The following GRAMD2B variants were observed in gnomAD, a reference collection of about 807,000 sequenced individuals.
GRAMD2B encodes the protein GRAM domain-containing protein 2B.
A neutral mutation model predicts 59.2 loss-of-function variants in GRAMD2B; 41 were observed. The observed-to-expected ratio is 0.69, with a 90% confidence interval of 0.54 to 0.90. The LOEUF is 0.90. Ranked by LOEUF, GRAMD2B falls within the 40% of genes least tolerant of loss-of-function variation. The probability of loss-of-function intolerance (pLI) is 0.00; values close to 1 mark genes in which losing one functional copy is unlikely to be tolerated. For missense variants in GRAMD2B, 424 were observed against 500.5 expected, an observed-to-expected ratio of 0.85 and a Z score of 1.46; for synonymous variants, 161 against 182.7, an observed-to-expected ratio of 0.88 and a Z score of 0.96.
At chr5:126,393,415 T>G (rs2149724802) in intron 1 of GRAMD2B, among the ~76,000 whole-genome samples, 1 of 152,316 alleles carries the variant, frequency 6.6e-6, no homozygotes, top group East Asian at 1.9e-4. Context: ...TCAGAAAATA[T>G]CAAAGTTCAT....
intron 1 of GRAMD2B, among the ~76,000 whole-genome samples, chr5:126,432,473 G>A (rs898230843): frequency 6.6e-6 from 1 of 152,168 alleles, no homozygotes; most frequent in African/African-American, 2.4e-5. Context: ...AGTGTGTATT[G>A]CTGTGAAATG....
chr5:126,382,373 C>G (rs978756213), intron 1 of GRAMD2B, among the ~76,000 whole-genome samples: 1 of 152,082 alleles, frequency 6.6e-6, no homozygotes, highest in Non-Finnish European at 1.5e-5. Context: ...TTCCTGGAGG[C>G]TTTTTTCACT....
chr5:126,365,065 A>C (rs1261196506), intron 1 of GRAMD2B, among the ~76,000 whole-genome samples: 1 of 152,238 alleles, frequency 6.6e-6, no homozygotes, highest in African/African-American at 2.4e-5. Context: ...TTTGATGATG[A>C]TAAAATGTTC....
intron 1 of GRAMD2B, among the ~76,000 whole-genome samples, chr5:126,401,765 G>A (rs1191538744): frequency 6.6e-6 from 1 of 151,978 alleles, no homozygotes; most frequent in Admixed American, 6.6e-5. Flanking sequence ...CTACCATATA[G>A]AAAAATGATA....
upstream of GRAMD2B, among the ~76,000 whole-genome samples, chr5:126,367,818 C>G (rs1754532912): frequency 1.3e-5 from 2 of 152,208 alleles, no homozygotes; most frequent in Non-Finnish European, 2.9e-5. Flanking sequence ...GTGGCGCCAT[C>G]TCGGCTCACT....
At chr5:126,363,939 C>T (rs1009803251) in intron 1 of GRAMD2B, among the ~76,000 whole-genome samples, 3 of 152,084 alleles carry the variant, frequency 2.0e-5, no homozygotes, top group Admixed American at 2.0e-4. Flanking sequence ...ACTAAAGCCA[C>T]TGAATTGTAC....
chr5:126,408,954 C>T (rs1758513000), intron 1 of GRAMD2B, among the ~76,000 whole-genome samples: 1 of 149,666 alleles, frequency 6.7e-6, no homozygotes, highest in Admixed American at 6.7e-5. Flanking sequence ...GCCTTTTGTT[C>T]CTGCGATAGT....
chr5:126,444,770 G>A (rs770152909), intron 1 of GRAMD2B, among the ~76,000 whole-genome samples: 3 of 152,136 alleles, frequency 2.0e-5, no homozygotes, highest in Non-Finnish European at 4.4e-5. Context: ...CGGGTGCCAT[G>A]GTGGTTTGCT....
intron 1 of GRAMD2B, among the ~76,000 whole-genome samples, chr5:126,398,468 GTC>G (rs1157572380): frequency 6.6e-6 from 1 of 151,920 alleles, no homozygotes; most frequent in African/African-American, 2.4e-5. Context: ...TTGTTGTAAT[GTC>G]TCCTCTTCCA....
intron 1 of GRAMD2B, among the ~76,000 whole-genome samples, chr5:126,409,630 T>C (rs1262057496): frequency 2.6e-5 from 4 of 152,172 alleles, no homozygotes; most frequent in Admixed American, 2.0e-4. Flanking sequence ...TTCTCCCATT[T>C]TGTAGGTTGC....
chr5:126,422,562 C>T (rs1209736928), upstream of GRAMD2B, among the ~76,000 whole-genome samples: 2 of 152,084 alleles, frequency 1.3e-5, no homozygotes, highest in Non-Finnish European at 2.9e-5. Context: ...TATGTGTGGC[C>T]CAAGACAGTT....
At chr5:126,369,371 GT>G (rs1311368965), upstream of GRAMD2B, among the ~76,000 whole-genome samples, 1 of 152,022 alleles carries the variant, frequency 6.6e-6, no homozygotes, top group African/African-American at 2.4e-5. Context: ...TAAAGATATA[GT>G]TTTTTTAATC....
At chr5:126,435,600 C>T (rs1261690475) in intron 1 of GRAMD2B, among the ~76,000 whole-genome samples, 1 of 152,144 alleles carries the variant, frequency 6.6e-6, no homozygotes, top group Non-Finnish European at 1.5e-5. Context: ...TCGTTCTCCT[C>T]TTTGGTCTTC....
intron 1 of GRAMD2B, chr5:126,433,887 T>A (rs2149808457): frequency 6.6e-6 from 1 of 152,378 alleles, no homozygotes; most frequent in Middle Eastern, 3.4e-3. Flanking sequence ...CAAAATCTTT[T>A]TGAAATTCTT....
chr5:126,375,536 AT>A (rs1302606849), intron 1 of GRAMD2B, among the ~76,000 whole-genome samples: 1 of 151,706 alleles, frequency 6.6e-6, no homozygotes, highest in African/African-American at 2.4e-5. Context: ...CACCTGGCTA[AT>A]TTTTTTGTAT....
chr5:126,365,583 C>G (rs1754405567), intron 1 of GRAMD2B, among the ~76,000 whole-genome samples: 1 of 152,134 alleles, frequency 6.6e-6, no homozygotes, highest in South Asian at 2.1e-4. Flanking sequence ...GCTTGCTCAA[C>G]TGTCAGTTCA....
intron 1 of GRAMD2B, among the ~76,000 whole-genome samples, chr5:126,413,045 T>C (rs1276962719): frequency 6.6e-6 from 1 of 152,116 alleles, no homozygotes; most frequent in Non-Finnish European, 1.5e-5. Flanking sequence ...TGTTTATCCT[T>C]TCAAAAAGCC....
chr5:126,409,361 C>T (rs1185053582), intron 1 of GRAMD2B, among the ~76,000 whole-genome samples: 2 of 152,160 alleles, frequency 1.3e-5, no homozygotes, highest in African/African-American at 2.4e-5. Context: ...TGTTTCCTGA[C>T]TTTTTAATGA....
At chr5:126,491,305 G>T (rs1773890903) in intron 13 of GRAMD2B, among the ~76,000 whole-genome samples, 1 of 152,186 alleles carries the variant, frequency 6.6e-6, no homozygotes, top group Non-Finnish European at 1.5e-5. Context: ...AAGCAAGAAA[G>T]TTGGGGAAGA....
Sources: allele counts gnomAD v4.1 joint callset (sites outside exome capture counted in the v4.1 genomes callset), GRCh38; gene constraint gnomAD v4.1.1; transcripts MANE v1.5; gene names NCBI Gene and HGNC (gene_info 2026-07-23, HGNC 2026-07-21).